Variants in RGS6 observed in about 807,000 individuals in gnomAD.
The protein encoded by RGS6 is regulator of G-protein signaling 6.
A neutral mutation model predicts 78.5 loss-of-function variants in RGS6; 30 were observed. The ratio of observed to expected loss-of-function variants is 0.38; its 90% CI spans 0.29 to 0.52. The LOEUF (loss-of-function observed/expected upper bound fraction) is 0.52. RGS6 is among the 20% of genes least tolerant of loss of function. The probability of loss-of-function intolerance (pLI) is 0.85; values close to 1 mark genes in which losing one functional copy is unlikely to be tolerated. For synonymous variants in RGS6, 206 were observed against 206.0 expected (o/e 1.00, Z 0.00); for missense variants, 495 against 609.7 (o/e 0.81, Z 1.98).
At chr14:72,413,193 G>A (rs1177493395) in intron 3 of RGS6, among the ~76,000 whole-genome samples, 1 of 152,174 alleles carries the variant, frequency 6.6e-6, no homozygotes, top group East Asian at 1.9e-4. Context: ...TTATTATTGT[G>A]TGGGAGTCTA....
In RGS6 at chr14:72,503,572, A is replaced by AAG. The variant is rs10602454; in HGVS notation, c.966-6562_966-6561dup. Among the ~76,000 whole-genome samples the AAG allele has an allele frequency of 2.2e-3, 328 of 150,686 alleles. 1 individual carries two copies. The highest frequency in any genetic ancestry group is 6.8e-3 in the African/African-American group (279 of 41,176). ...TATAGGATAGACATTTTCATTCAAAAAGAGAGAGAGAGAGAGAGAGAAATA... is the reference window on the plus strand; with the variant it reads ...TATAGGATAGACATTTTCATTCAAAAAGAGAGAGAGAGAGAGAGAGAGAAATA... On this transcript the variant is annotated intron_variant, in intron 13 of 17. Coordinates refer to ENST00000553525, the MANE Select transcript of RGS6 (RefSeq NM_001204424.2).
At chr14:72,475,059 G>T (rs181032726) in intron 10 of RGS6, among the ~76,000 whole-genome samples, 1 of 152,282 alleles carries the variant, frequency 6.6e-6, no homozygotes, top group East Asian at 1.9e-4. Context: ...CCTGAAAGAG[G>T]GTCAGGTGTT....
intron 3 of RGS6, among the ~76,000 whole-genome samples, chr14:72,393,737 G>A (rs562774733): frequency 1.3e-4 from 20 of 152,248 alleles, no homozygotes; most frequent in Middle Eastern, 3.4e-3. Context: ...CTGGTCATTC[G>A]CCTACAGCCT....
At chr14:72,350,138 T>C (rs1029816726) in intron 2 of RGS6, among the ~76,000 whole-genome samples, 1 of 152,200 alleles carries the variant, frequency 6.6e-6, no homozygotes, top group African/African-American at 2.4e-5. Flanking sequence ...ATGCAGGTCT[T>C]CAGAGAATGA....
At chr14:71,970,751 G>A (rs2153073441) in intron 2 of RGS6, among the ~76,000 whole-genome samples, 1 of 152,306 alleles carries the variant, frequency 6.6e-6, no homozygotes, top group East Asian at 1.9e-4. Context: ...AGCCCTGAAT[G>A]AGCCCACAGG....
Position 72,004,647 on chromosome 14 carries a change from A to G in RGS6, c.84+39772A>G, listed in dbSNP as rs150323156. On this transcript the variant is annotated intron_variant, in intron 2 of 17. Transcript: ENST00000553525. ...TCAGGAGTTCAAGACCAGCCTGGGC[A>G]ACATGGTAAAACCCTGTCTCTACAA... Among the ~76,000 whole-genome samples, 813 of 152,208 alleles carry G rather than the reference A, an allele frequency of 5.3e-3. 2 individuals carry two copies. Among genetic ancestry groups the G allele is most frequent in the Admixed American group, 9.2e-3 (141 of 15,288 alleles).
chr14:72,360,847 G>A (rs879469446), intron 3 of RGS6, among the ~76,000 whole-genome samples: 2 of 152,102 alleles, frequency 1.3e-5, no homozygotes, highest in Non-Finnish European at 2.9e-5. Context: ...CGCACATGTC[G>A]AGGGAGATAC....
At chr14:72,448,936 T>C (rs2095430377) in intron 3 of RGS6, among the ~76,000 whole-genome samples, 1 of 152,178 alleles carries the variant, frequency 6.6e-6, no homozygotes, top group African/African-American at 2.4e-5. Flanking sequence ...TTGGACACAA[T>C]TATTGTCAAG....
chr14:72,207,701 A>T (rs906968298), intron 2 of RGS6, among the ~76,000 whole-genome samples: 2 of 152,090 alleles, frequency 1.3e-5, no homozygotes, highest in African/African-American at 4.8e-5. Context: ...TCCATTTCTG[A>T]TTCAGTTACT....
intron 2 of RGS6, among the ~76,000 whole-genome samples, chr14:72,242,950 G>T (rs2053295407): frequency 7.0e-6 from 1 of 143,384 alleles, no homozygotes; most frequent in South Asian, 2.3e-4. Flanking sequence ...CTGGGTTCAA[G>T]CAGTTCTCCT....
At chr14:72,417,701 C>T (rs750663015) in intron 3 of RGS6, among the ~76,000 whole-genome samples, 7 of 152,194 alleles carry the variant, frequency 4.6e-5, no homozygotes, top group Non-Finnish European at 1.0e-4. Context: ...ACAAAATATG[C>T]ATAAAATAGC....
At chr14:71,998,375 A>G (rs1319951729) in intron 2 of RGS6, among the ~76,000 whole-genome samples, 1 of 152,064 alleles carries the variant, frequency 6.6e-6, no homozygotes, top group Non-Finnish European at 1.5e-5. Context: ...GGCCCAAGAT[A>G]TTTTCCTTTC....
chr14:72,620,088 T>C, the RGS6 span: 1 of 1,214,572 alleles, frequency 8.2e-7, no homozygotes, highest in Non-Finnish European at 1.1e-6. Flanking sequence ...TCGGTCTCAC[T>C]GGATCCCCTT....
At chr14:72,500,943 T>C (rs2096716319) in intron 13 of RGS6, among the ~76,000 whole-genome samples, 1 of 152,120 alleles carries the variant, frequency 6.6e-6, no homozygotes, top group South Asian at 2.1e-4. Flanking sequence ...GGAGGTGCGA[T>C]ATGTACCCAT....
chr14:72,541,484 A>G, intron 17 of RGS6: 1 of 1,535,710 alleles, frequency 6.5e-7, no homozygotes, highest in Non-Finnish European at 8.7e-7. Context: ...TGCAGAACAC[A>G]AGGCCTGCGG....
chr14:72,156,089 T>C (rs1449909826), intron 2 of RGS6, among the ~76,000 whole-genome samples: 1 of 152,218 alleles, frequency 6.6e-6, no homozygotes, highest in Non-Finnish European at 1.5e-5. Context: ...GTAATTCCAA[T>C]GAGCAGGTGG....
chr14:71,969,720 T>C (rs2093698770), intron 2 of RGS6, among the ~76,000 whole-genome samples: 1 of 152,244 alleles, frequency 6.6e-6, no homozygotes, highest in Non-Finnish European at 1.5e-5. Flanking sequence ...AAATGAATTA[T>C]ATGCACTCAC....
At chr14:72,310,181 G>A (rs2068227379) in intron 2 of RGS6, among the ~76,000 whole-genome samples, 1 of 152,218 alleles carries the variant, frequency 6.6e-6, no homozygotes, top group Admixed American at 6.5e-5. Context: ...GCAGGATCTA[G>A]TCGGGGTCCA....
At chr14:72,349,526 C>A (rs528316194) in intron 2 of RGS6, among the ~76,000 whole-genome samples, 8 of 152,310 alleles carry the variant, frequency 5.3e-5, no homozygotes, top group African/African-American at 1.7e-4. Flanking sequence ...GAGTCAGGAA[C>A]TGGGGGGCAA....
Sources: allele counts gnomAD v4.1 joint callset (sites outside exome capture counted in the v4.1 genomes callset), GRCh38; gene constraint gnomAD v4.1.1; transcripts MANE v1.5; gene names NCBI Gene and HGNC (gene_info 2026-07-23, HGNC 2026-07-21).